The following DDX1 variants were observed in gnomAD, a reference collection of about 807,000 sequenced individuals.
The protein encoded by DDX1 is DEAD-box helicase 1.
Under a neutral mutation model 108.7 loss-of-function variants are expected in DDX1, and 28 were observed. That is an observed-to-expected ratio of 0.26 (90% confidence interval 0.19 to 0.35). DDX1 has a LOEUF of 0.35. Ranked by LOEUF, DDX1 falls within the 10% of genes least tolerant of loss-of-function variation. DDX1 has a pLI of 1.00. For missense variants in DDX1, 710 were observed against 884.5 expected, an observed-to-expected ratio of 0.80 and a Z score of 2.50; for synonymous variants, 295 against 288.9, an observed-to-expected ratio of 1.02 and a Z score of -0.21.
At chr2:15,627,538 A>T (rs761181014) in intron 20 of DDX1, 1 of 164,970 alleles carries the variant, frequency 6.1e-6, no homozygotes, top group Non-Finnish European at 1.3e-5. Context: ...GCTATGTAGA[A>T]TTAAAGGTAT....
At chr2:15,612,566 G>A (rs1471551377) in intron 13 of DDX1, among the ~76,000 whole-genome samples, 1 of 151,708 alleles carries the variant, frequency 6.6e-6, no homozygotes, top group Non-Finnish European at 1.5e-5. Context: ...CAGATGATGG[G>A]CGGCCAGGCA....
intron 6 of DDX1, among the ~76,000 whole-genome samples, chr2:15,600,408 T>C (rs951862348): frequency 2.6e-5 from 4 of 152,258 alleles, no homozygotes; most frequent in African/African-American, 9.6e-5. Flanking sequence ...GAATGCATTT[T>C]AGTAAAGACT....
Position 15,623,597 on chromosome 2 carries a change from C to T in DDX1, c.1594+15C>T. 2.5e-6 allele frequency: 4 copies of T among 1,607,888 alleles called. No individual in the cohort carries two copies. The highest frequency in any genetic ancestry group is 3.4e-6 in the Non-Finnish European group (4 of 1,174,944). On this transcript the variant is annotated intron_variant, in intron 19 of 25. Coordinates refer to ENST00000233084, the MANE Select transcript of DDX1 (RefSeq NM_004939.3). ...ACAAGGAGGAGGTAATTTTTTCTCA[C>T]TTGAAATAAATTGTGTTTATATCCT...
In DDX1 at chr2:15,623,434, A is replaced by G; in HGVS notation, c.1448-2A>G. 1.9e-6 allele frequency: 3 copies of G among 1,613,026 alleles called. No individual in the cohort carries two copies. Among genetic ancestry groups the G allele is most frequent in the Non-Finnish European group, 2.5e-6 (3 of 1,179,416 alleles). Reference sequence around the variant, plus strand: ...GTTTTTGTTGTTGTTATGATATTCAAGAGATGTGGTCTGAAGCTATTAAAA... The same window carrying G: ...GTTTTTGTTGTTGTTATGATATTCAGGAGATGTGGTCTGAAGCTATTAAAA... On this transcript the variant is annotated splice_acceptor_variant, in intron 18 of 25. Transcript: ENST00000233084. LOFTEE classifies it high-confidence loss of function.
intron 7 of DDX1, 96 bp from the exon 8 acceptor site, chr2:15,603,096 A>T (rs1665612005): frequency 1.3e-6 from 1 of 786,554 alleles, no homozygotes. Flanking sequence ...CATTTGGTAC[A>T]TACCTGTGTA....
intron 13 of DDX1, 67 bp from the exon 14 acceptor site, chr2:15,613,157 G>T (rs894270262): frequency 3.0e-5 from 33 of 1,096,168 alleles, no homozygotes; most frequent in Non-Finnish European, 4.2e-5. Flanking sequence ...AATGGATGCA[G>T]ATCAAACAAT....
At chr2:15,630,207 G>T in intron 25 of DDX1, 97 bp downstream of exon 25, 1 of 1,271,212 alleles carries the variant, frequency 7.9e-7, no homozygotes, top group South Asian at 1.3e-5. Context: ...ATTAGGTTAA[G>T]AGTATATTTT....
intron 13 of DDX1, among the ~76,000 whole-genome samples, chr2:15,607,588 T>C (rs1242510852): frequency 6.6e-6 from 1 of 152,082 alleles, no homozygotes; most frequent in Non-Finnish European, 1.5e-5. Context: ...AAAATCTAAT[T>C]TTTGGTTTTT....
chr2:15,603,158 T>C, intron 7 of DDX1, 34 bp from the exon 8 acceptor site: 4 of 1,396,294 alleles, frequency 2.9e-6, no homozygotes, highest in Non-Finnish European at 4.0e-6. Flanking sequence ...GTGTGTGTGA[T>C]TTATATAAAT....
Position 15,630,029 on chromosome 2 carries a change from T to A in DDX1, c.2011T>A (p.Ser671Thr). 6.2e-7 allele frequency: 1 copy of A among 1,612,904 alleles called. No individual in the cohort carries two copies. The highest frequency in any genetic ancestry group is 8.5e-7 in the Non-Finnish European group (1 of 1,179,050). ...AGAAGAACACCTGAACTGTACCATTTCTCAGGTTGAGCCGGATATAAAGGT... is the reference window on the plus strand; with the variant it reads ...AGAAGAACACCTGAACTGTACCATTACTCAGGTTGAGCCGGATATAAAGGT... ...EIEEHLNCTI[S>T]QVEPDIKVPV... The change falls in exon 25 of 26, where the codon TCT becomes ACT. Residue 671 changes from serine (S) to threonine (T), a missense_variant. Physicochemically the swap from Ser to Thr is moderately conservative, Grantham distance 58 (BLOSUM62 1). Around this residue, in one of 3 missense-constraint regions of DDX1, gnomAD observed 661 missense variants for 810.2 expected, o/e 0.82. Transcript: ENST00000233084.
In DDX1 at chr2:15,622,192, AT is replaced by A. The variant is rs764920103; in HGVS notation, c.1447+1080del. The stretch of plus-strand genomic sequence containing the variant: ...GAATATACATAACATAAAACTTAGC[AT>A]TTTAACTATTAGTGTACAGTTCATT... On this transcript the variant is annotated intron_variant, in intron 18 of 25. Transcript: ENST00000233084. Among the ~76,000 whole-genome samples, 285 of 152,334 alleles carry A rather than the reference AT, an allele frequency of 1.9e-3. 2 individuals are homozygous for A. Among genetic ancestry groups the A allele is most frequent in the Non-Finnish European group, 3.1e-3 (214 of 68,024 alleles).
intron 13 of DDX1, among the ~76,000 whole-genome samples, chr2:15,611,709 C>A (rs1384372649): frequency 8.7e-6 from 1 of 115,066 alleles, no homozygotes; most frequent in Non-Finnish European, 1.7e-5. Flanking sequence ...CCACCTCCCT[C>A]CCGGACGGGG....
chr2:15,606,108 A>T (rs760299594), intron 11 of DDX1, 42 bp from the exon 12 acceptor site: 1 of 1,583,650 alleles, frequency 6.3e-7, no homozygotes, highest in Non-Finnish European at 8.7e-7. Context: ...ATGGTTTTCA[A>T]TTAGGGTAGG....
chr2:15,600,125 A>G (rs1415379343), intron 6 of DDX1, among the ~76,000 whole-genome samples: 2 of 152,350 alleles, frequency 1.3e-5, no homozygotes, highest in South Asian at 2.1e-4. Context: ...AGCAGTGGCA[A>G]AACTTTCCTA....
At chr2:15,629,884 C>A in intron 24 of DDX1, 106 bp from the exon 25 acceptor site, 2 of 1,186,046 alleles carry the variant, frequency 1.7e-6, no homozygotes, top group Non-Finnish European at 2.4e-6. Context: ...AATCTGACTT[C>A]CATTTATACC....
Position 15,613,205 on chromosome 2 carries a change from A to G in DDX1, c.957-19A>G. On this transcript the variant is annotated intron_variant, in intron 13 of 25. Transcript: ENST00000233084. ...TTAATTTTTTTTTTTTTATATTATC[A>G]TCTTGATATTTATTTCAGGGAGCTT... The G allele has an allele frequency of 6.5e-7, 1 of 1,540,544 alleles. No homozygotes were observed. The highest frequency in any genetic ancestry group is 8.8e-7 in the Non-Finnish European group (1 of 1,135,456).
At chr2:15,623,076 A>C (rs1246153661) in intron 18 of DDX1, among the ~76,000 whole-genome samples, 1 of 152,200 alleles carries the variant, frequency 6.6e-6, no homozygotes, top group African/African-American at 2.4e-5. Flanking sequence ...AGGGAAGTTC[A>C]TGCAAGGCAG....
At chr2:15,601,756 T>C (rs1263638264) in intron 6 of DDX1, among the ~76,000 whole-genome samples, 2 of 152,224 alleles carry the variant, frequency 1.3e-5, no homozygotes, top group African/African-American at 4.8e-5. Context: ...TTCTGAAAAG[T>C]GTAGGAAGAT....
intron 14 of DDX1, among the ~76,000 whole-genome samples, chr2:15,614,916 TC>T (rs1357477786): frequency 6.6e-6 from 1 of 152,242 alleles, no homozygotes; most frequent in Non-Finnish European, 1.5e-5. Flanking sequence ...ATTCCTATTT[TC>T]CTAAAGCTTA....
Sources: allele counts gnomAD v4.1 joint callset (sites outside exome capture counted in the v4.1 genomes callset), GRCh38; gene constraint gnomAD v4.1.1; regional missense constraint gnomAD v4.1.1; transcripts MANE v1.5; gene names NCBI Gene and HGNC (gene_info 2026-07-23, HGNC 2026-07-21).